AXDND1: variants seen among roughly 807,000 people sequenced by gnomAD.
AXDND1 encodes axonemal dynein light chain domain-containing protein 1.
AXDND1 carries 110 observed loss-of-function variants against 137.5 expected under a neutral mutation model. The ratio of observed to expected loss-of-function variants is 0.80; its 90% CI spans 0.69 to 0.94. AXDND1 has a LOEUF of 0.94. AXDND1 is among the 40% of genes least tolerant of loss of function. The probability of loss-of-function intolerance (pLI) is 0.00; values close to 1 mark genes in which losing one functional copy is unlikely to be tolerated. For missense variants in AXDND1, 1,191 were observed against 1,169.8 expected (o/e 1.02, Z -0.26); for synonymous variants, 414 against 399.7 (o/e 1.04, Z -0.43).
rs766039719 is a variant in AXDND1 at position 179,368,809 on chromosome 1, A to G, written c.107A>G (p.Glu36Gly). 3.1e-6 allele frequency: 5 copies of G among 1,609,312 alleles called. No homozygotes were observed. In the Admixed American group the frequency reaches 5.1e-5, roughly 17 times the overall value. ...TCCACTACTTACTTAGGACTTCCTG[A>G]GCTAAAGGAGAAAAAAAATATGGTG... ...VAKEGTRGLP[E>G]LKEKKNMVDR... The change falls in exon 3 of 26, where the codon GAG (glutamate) becomes GGG (glycine). Residue 36 changes from glutamate to glycine, a missense_variant. Glu to Gly is a moderately conservative substitution (Grantham distance 98). Transcript: ENST00000367618.
chr1:179,472,754 T>C (rs1264691723), intron 17 of AXDND1, among the ~76,000 whole-genome samples: 1 of 152,234 alleles, frequency 6.6e-6, no homozygotes, highest in African/African-American at 2.4e-5. Context: ...ATATCCTTCC[T>C]TATTTTTAGT....
intron 15 of AXDND1, among the ~76,000 whole-genome samples, chr1:179,435,198 G>T (rs1657970397): frequency 6.6e-6 from 1 of 151,974 alleles, no homozygotes; most frequent in South Asian, 2.1e-4. Context: ...AGAGAGAACT[G>T]AAACAAATGG....
chr1:179,549,160 G>T (rs1672946027), intron 25 of AXDND1, among the ~76,000 whole-genome samples: 1 of 152,052 alleles, frequency 6.6e-6, no homozygotes, highest in South Asian at 2.1e-4. Flanking sequence ...CATGGTTTTA[G>T]ATTGTACTCT....
rs4576629 is a variant in AXDND1, at chr1:179,373,779, G to C, written c.374+3701G>C. The stretch of plus-strand genomic sequence containing the variant: ...TGGGAAAACTGGCTAGCCATATGTA[G>C]AAAGCTGAAACTGGATCCCTTCCTT... On this transcript the variant is annotated intron_variant, in intron 4 of 25. Coordinates refer to ENST00000367618, the MANE Select transcript of AXDND1 (RefSeq NM_144696.6). Among the ~76,000 whole-genome samples the C allele has an allele frequency of 2.6e-5, 4 of 152,266 alleles. No individual in the cohort carries two copies. In the South Asian group the frequency reaches 8.3e-4, roughly 32 times the overall value.
At chr1:179,383,619 T>G in intron 8 of AXDND1, 75 bp downstream of exon 8, 1 of 1,100,394 alleles carries the variant, frequency 9.1e-7, no homozygotes, top group South Asian at 1.3e-5. Flanking sequence ...GTTAGAATTC[T>G]GACCCTGCCA....
chr1:179,382,980 A>C (rs188101183), intron 7 of AXDND1, among the ~76,000 whole-genome samples: 1 of 152,104 alleles, frequency 6.6e-6, no homozygotes, highest in Non-Finnish European at 1.5e-5. Flanking sequence ...ACATATTTAC[A>C]TATATAGCAT....
chr1:179,541,675 A>AC, intron 25 of AXDND1, among the ~76,000 whole-genome samples: 1 of 138,612 alleles, frequency 7.2e-6, no homozygotes. Context: ...TAATATGCAT[A>AC]ATAATATTGC....
intron 20 of AXDND1, among the ~76,000 whole-genome samples, chr1:179,508,011 T>C (rs1351415326): frequency 2.0e-5 from 3 of 152,208 alleles, no homozygotes; most frequent in South Asian, 2.1e-4. Context: ...CTACAACATA[T>C]GGATTTAGAT....
chr1:179,375,592 A>G (rs1009699189), intron 4 of AXDND1, among the ~76,000 whole-genome samples: 1 of 143,304 alleles, frequency 7.0e-6, no homozygotes, highest in African/African-American at 2.5e-5. Context: ...ACATATATGT[A>G]TATAATATAT....
chr1:179,370,004 C>T lies in AXDND1; in HGVS notation c.300C>T (p.Val100=). Residue 100 remains valine, a synonymous_variant, in exon 4 of 26, where the codon GTC becomes GTT. Transcript: ENST00000367618. ...KGTLPRLVDH[V]WHHPVRRNKF... ...CTCTTCCACGCCTTGTAGACCATGT[C>T]TGGCATCACCCTGTTCGAAGGAATA... The T allele has an allele frequency of 6.2e-7, 1 of 1,614,036 alleles. No homozygotes were observed. Among genetic ancestry groups the T allele is most frequent in the Non-Finnish European group, 8.5e-7 (1 of 1,179,974 alleles).
intron 21 of AXDND1, among the ~76,000 whole-genome samples, chr1:179,518,858 A>G (rs1374117671): frequency 1.3e-5 from 2 of 152,148 alleles, no homozygotes; most frequent in South Asian, 4.1e-4. Flanking sequence ...ATATGCATGC[A>G]TGTGTCTTTA....
intron 25 of AXDND1, among the ~76,000 whole-genome samples, chr1:179,553,492 GAAGCCAGACACAAA>G (rs1673618905): frequency 6.6e-6 from 1 of 152,182 alleles, no homozygotes; most frequent in Non-Finnish European, 1.5e-5. Context: ...TAAGTGAAAA[GAAGCCAGACACAAA>G]AAGCCATATA....
intron 21 of AXDND1, among the ~76,000 whole-genome samples, chr1:179,517,723 C>T (rs1484803836): frequency 6.6e-6 from 1 of 152,238 alleles, no homozygotes; most frequent in Non-Finnish European, 1.5e-5. Flanking sequence ...CCTTCAGTTT[C>T]CCCAGTGGGG....
intron 18 of AXDND1, among the ~76,000 whole-genome samples, chr1:179,486,508 A>G (rs920558309): frequency 8.0e-6 from 1 of 125,772 alleles, no homozygotes; most frequent in Non-Finnish European, 1.7e-5. Context: ...AAATAAGACC[A>G]TACATGAGAC....
At chr1:179,456,673 T>G in intron 16 of AXDND1, 1 of 811,940 alleles carries the variant, frequency 1.2e-6, no homozygotes, top group East Asian at 2.4e-5. Context: ...TCATGACCAC[T>G]GAAGTTTCCT....
chr1:179,400,568 G>A (rs1651810745), intron 11 of AXDND1, among the ~76,000 whole-genome samples: 1 of 145,016 alleles, frequency 6.9e-6, no homozygotes, highest in Non-Finnish European at 1.5e-5. Context: ...AATAACTTAT[G>A]GAAAAATAAA....
chr1:179,468,617 A>G lies in AXDND1; in HGVS notation c.1973A>G (p.Gln658Arg). ...ILLNLTGIVP[Q>R]HIDVDSVSVL... is the part of the protein sequence containing the mutation. ...TTAAACCTTACTGGTATTGTTCCAC[A>G]GCACATAGATGTGGATTCTGTTTCG... Residue 658 changes from glutamine (Q) to arginine (R), a missense_variant, in exon 17 of 26, where the codon CAG becomes CGG. Gln to Arg is a conservative substitution (Grantham distance 43). Transcript: ENST00000367618. 6.2e-7 allele frequency: 1 copy of G among 1,607,948 alleles called. No individual in the cohort carries two copies. Among genetic ancestry groups the G allele is most frequent in the African/African-American group, 1.3e-5 (1 of 74,862 alleles).
In AXDND1 at chr1:179,488,634, CCT is replaced by C. The variant is rs1183177896; in HGVS notation, c.2092-2903_2092-2902del. On this transcript the variant is annotated intron_variant, in intron 18 of 25. Coordinates refer to ENST00000367618, the MANE Select transcript of AXDND1 (RefSeq NM_144696.6). ...TTTCTTTCTTTCTCTCTCTCTCTCT[CCT>C]TTCTTTCTTTCTTTCTTTCTTTCTT... Among the ~76,000 whole-genome samples the C allele has an allele frequency of 2.7e-3, 281 of 105,246 alleles. 44 individuals carry two copies. The highest frequency in any genetic ancestry group is 0.01 in the African/African-American group (259 of 25,646). 69.0% of individuals were successfully genotyped at this position (105,246 alleles called of 152,430 possible).
At chr1:179,493,520 GA>G (rs1381405742) in intron 20 of AXDND1, among the ~76,000 whole-genome samples, 1 of 152,094 alleles carries the variant, frequency 6.6e-6, no homozygotes, top group African/African-American at 2.4e-5. Context: ...TGATATCTAG[GA>G]ATGGAATGGC....
Sources: allele counts gnomAD v4.1 joint callset (sites outside exome capture counted in the v4.1 genomes callset), GRCh38; gene constraint gnomAD v4.1.1; transcripts MANE v1.5; gene names NCBI Gene and HGNC (gene_info 2026-07-23, HGNC 2026-07-21).